Variants in MAX observed in about 807,000 individuals in gnomAD.
MAX encodes protein max.
MAX carries 3 observed loss-of-function variants against 22.3 expected under a neutral mutation model. The observed-to-expected ratio is 0.13, with a 90% CI of 0.06 to 0.35. The LOEUF (loss-of-function observed/expected upper bound fraction) is 0.35. Ranked by LOEUF, MAX falls within the 10% of genes least tolerant of loss-of-function variation. The pLI is 1.00. For synonymous variants in MAX, 72 were observed against 77.7 expected (o/e 0.93, Z 0.39); for missense variants, 119 against 209.4 (o/e 0.57, Z 2.66).
intron 3 of MAX, among the ~76,000 whole-genome samples, chr14:65,039,699 G>A (rs1595073986): frequency 6.6e-6 from 1 of 152,168 alleles, no homozygotes; most frequent in East Asian, 1.9e-4. Flanking sequence ...AATACCTGAG[G>A]CTGGGTAACT....
At chr14:65,046,685 G>A (rs997111252) in intron 3 of MAX, among the ~76,000 whole-genome samples, 16 of 152,130 alleles carry the variant, frequency 1.1e-4, no homozygotes, top group African/African-American at 3.4e-4. Flanking sequence ...TTGAAAGGAG[G>A]GCAAAATACT....
intron 3 of MAX, among the ~76,000 whole-genome samples, chr14:65,056,944 T>C (rs1245549336): frequency 6.6e-6 from 1 of 152,126 alleles, no homozygotes; most frequent in African/African-American, 2.4e-5. Flanking sequence ...TTATAACATG[T>C]GGAAATCAAA....
intron 3 of MAX, among the ~76,000 whole-genome samples, chr14:65,035,375 G>A (rs73270817): frequency 0.011 from 1,623 of 152,208 alleles, 26 homozygotes; most frequent in East Asian, 0.086. Flanking sequence ...TCAGGAAGCT[G>A]TTTTTTTGTA....
intron 3 of MAX, among the ~76,000 whole-genome samples, chr14:65,022,915 G>A (rs1159386608): frequency 2.6e-5 from 4 of 152,000 alleles, no homozygotes; most frequent in Non-Finnish European, 5.9e-5. Flanking sequence ...ATCTCTAAGC[G>A]TAATTCTTGC....
chr14:65,054,433 T>C lies in MAX; in HGVS notation c.171+39275A>G. The C allele has an allele frequency of 1.2e-6, 1 of 801,286 alleles. No individual in the cohort carries two copies. Among genetic ancestry groups the C allele is most frequent in the Non-Finnish European group, 2.0e-6 (1 of 506,778 alleles). 49.6% of individuals were successfully genotyped at this position (801,286 alleles called of 1,614,324 possible). A position where few individuals can be genotyped will look rare whatever the true frequency, so the allele number is the denominator to read the frequency against. On this transcript the variant is annotated intron_variant, in intron 3 of 3. Transcript: ENST00000341653. This position sits in a 1 kb window ranked among gnomAD's most constrained non-coding sequence, Gnocchi z 4.4. ...CCAGTGGGGCTTTAAATAACACTGC[T>C]GGGAAAACCATGCCTCCTCTAGCCA...
intron 3 of MAX, among the ~76,000 whole-genome samples, chr14:65,046,432 G>A (rs2062478305): frequency 6.6e-6 from 1 of 152,210 alleles, no homozygotes; most frequent in Non-Finnish European, 1.5e-5. Context: ...AATGTGGAAT[G>A]AGCTATAACA....
intron 3 of MAX, among the ~76,000 whole-genome samples, chr14:65,059,838 T>C (rs1446732959): frequency 5.7e-5 from 4 of 70,400 alleles, no homozygotes; most frequent in Admixed American, 4.8e-4. Context: ...TCCTTTTTTC[T>C]TTTTTTTTTT....
chr14:65,025,969 T>G (rs1198784496), intron 3 of MAX, among the ~76,000 whole-genome samples: 4 of 152,264 alleles, frequency 2.6e-5, no homozygotes. Flanking sequence ...CAGCAGCGTT[T>G]GCTTTTGCTT....
At chr14:65,021,582 C>A (rs187352963) in intron 3 of MAX, among the ~76,000 whole-genome samples, 1 of 152,122 alleles carries the variant, frequency 6.6e-6, no homozygotes, top group African/African-American at 2.4e-5. Flanking sequence ...CTCTACAGGA[C>A]GGTCCCTGCA....
intron 3 of MAX, among the ~76,000 whole-genome samples, chr14:65,042,351 C>T (rs2062372353): frequency 6.6e-6 from 1 of 152,292 alleles, no homozygotes; most frequent in East Asian, 1.9e-4. Context: ...TTCAACTAGA[C>T]AGTCCCATTT....
chr14:65,019,468 CAGA>C (rs1210556327), intron 3 of MAX, among the ~76,000 whole-genome samples: 2 of 151,858 alleles, frequency 1.3e-5, no homozygotes, highest in Non-Finnish European at 1.5e-5. Flanking sequence ...GCCTGGGTAA[CAGA>C]AGGAGACTGT....
At chr14:65,066,394 A>G (rs1234520616) in intron 3 of MAX, among the ~76,000 whole-genome samples, 1 of 152,190 alleles carries the variant, frequency 6.6e-6, no homozygotes, top group Admixed American at 6.5e-5. Flanking sequence ...CAGCTGGGGA[A>G]CTGGGGCCAG....
rs1056747173 is a variant in MAX at position 65,014,901 on chromosome 14, T to G, written c.172-8617A>C. Among the ~76,000 whole-genome samples the G allele has an allele frequency of 1.3e-5, 2 of 152,178 alleles. No individual in the cohort carries two copies. The highest frequency in any genetic ancestry group is 6.8e-3 in the Middle Eastern group (2 of 294). On this transcript the variant is annotated intron_variant, in intron 3 of 3. Transcript: ENST00000341653. The surrounding 1 kb of genome is among the most constrained non-coding windows in gnomAD (Gnocchi z 5.1). ...GGCACAAGTAGATACTATCAAATATTTGTTGAATCAGTGATTGAGTTAAGC... is the reference window on the plus strand; with the variant it reads ...GGCACAAGTAGATACTATCAAATATGTGTTGAATCAGTGATTGAGTTAAGC...
At chr14:65,102,634 T>G, upstream of MAX, 1 of 1,160,858 alleles carries the variant, frequency 8.6e-7, no homozygotes. Context: ...ACGGCCCGGG[T>G]AGCTCCAGAA....
rs60077675 is a variant in MAX at position 65,079,415 on chromosome 14, T to C, written c.172-1379A>G. Among the ~76,000 whole-genome samples, 1,035 of 152,326 alleles carry C rather than the reference T, an allele frequency of 6.8e-3. 7 individuals carry two copies. Among genetic ancestry groups the C allele is most frequent in the African/African-American group, 0.024 (984 of 41,576 alleles). On this transcript the variant is annotated intron_variant, in intron 3 of 4. Coordinates refer to ENST00000358664, the MANE Select transcript of MAX (RefSeq NM_002382.5). The surrounding 1 kb of genome is among the most constrained non-coding windows in gnomAD (Gnocchi z 4.5). ...TCGTAAGTCAATAACATGGATGTCA[T>C]GTTACTGTGCCCCTAGACATCAAAC... is the stretch of plus-strand genomic sequence containing the variant.
rs1370490047 is a variant in MAX, at chr14:65,069,984, T to G, written c.171+23724A>C. ...GGCCACTGTCCTTTAGCCCAAGATC[T>G]GCCCCTGCCACCCCAGAGCTGTTGA... On this transcript the variant is annotated intron_variant, in intron 3 of 3. Transcript: ENST00000341653. The surrounding 1 kb of genome is among the most constrained non-coding windows in gnomAD (Gnocchi z 4.6). Among the ~76,000 whole-genome samples, 1 of 152,226 alleles carries G rather than the reference T, an allele frequency of 6.6e-6. No homozygotes were observed. The highest frequency in any genetic ancestry group is 1.5e-5 in the Non-Finnish European group (1 of 68,034).
intron 2 of MAX, among the ~76,000 whole-genome samples, chr14:65,101,200 A>C (rs2063821594): frequency 6.6e-6 from 1 of 152,240 alleles, no homozygotes; most frequent in South Asian, 2.1e-4. Flanking sequence ...AAATCTTCTG[A>C]CCACTTTGCC....
intron 3 of MAX, among the ~76,000 whole-genome samples, chr14:65,091,317 A>G (rs2063503712): frequency 1.3e-5 from 2 of 152,260 alleles, no homozygotes; most frequent in Non-Finnish European, 2.9e-5. Flanking sequence ...CGCTTTTTAA[A>G]GAGGAAGAGG....
At position 65,032,750 on chromosome 14, in the gene MAX, C is replaced by G; in HGVS notation, c.172-26466G>C. The G allele has an allele frequency of 6.5e-7, 1 of 1,547,146 alleles. No individual in the cohort carries two copies. Among genetic ancestry groups the G allele is most frequent in the Non-Finnish European group, 8.8e-7 (1 of 1,140,552 alleles). ...TCTTGGAGAGCAGGCGGTCACGACA[C>G]TACTTCAGAAAAATAAAGAAAATGC... On this transcript the variant is annotated intron_variant, in intron 3 of 3. Coordinates refer to the MAX transcript ENST00000341653. The surrounding 1 kb of genome is among the most constrained non-coding windows in gnomAD (Gnocchi z 5.0).
Sources: allele counts gnomAD v4.1 joint callset (sites outside exome capture counted in the v4.1 genomes callset), GRCh38; gene constraint gnomAD v4.1.1; non-coding constraint Gnocchi (gnomAD v3.1); transcripts MANE v1.5; gene names NCBI Gene and HGNC (gene_info 2026-07-23, HGNC 2026-07-21).